Variants in ADAM2 observed in about 807,000 individuals in gnomAD.
The protein encoded by ADAM2 is ADAM metallopeptidase domain 2, also known as disintegrin and metalloproteinase domain-containing protein 2.
A neutral mutation model predicts 99.3 loss-of-function variants in ADAM2; 101 were observed. The observed-to-expected ratio is 1.02, with a 90% CI of 0.87 to 1.20. ADAM2 has a LOEUF of 1.20. Ranked by LOEUF, ADAM2 falls within the 50% of genes most tolerant of loss-of-function variation. The pLI is 0.00. For missense variants in ADAM2, 948 were observed against 878.7 expected (o/e 1.08, Z -1.00); for synonymous variants, 323 against 287.6 (o/e 1.12, Z -1.25).
rs138647745 is a variant in ADAM2 at position 39,761,282 on chromosome 8, C to T, written c.1508-1G>A. 1 of 1,572,330 alleles carries T rather than the reference C, an allele frequency of 6.4e-7. No homozygotes were observed. Among genetic ancestry groups the T allele is most frequent in the Non-Finnish European group, 8.7e-7 (1 of 1,156,038 alleles). ...CATTCTGAAGGGCCAAACTCTACTT[C>T]TGAAAATAAAAAGGTGAGGTTAGTC... On this transcript the variant is annotated splice_acceptor_variant, in intron 14 of 20. Coordinates refer to ENST00000265708, the MANE Select transcript of ADAM2 (RefSeq NM_001464.5). LOFTEE classifies it high-confidence loss of function.
intron 16 of ADAM2, among the ~76,000 whole-genome samples, chr8:39,753,101 G>A (rs894412190): frequency 3.3e-5 from 5 of 152,106 alleles, no homozygotes; most frequent in East Asian, 1.9e-4. Context: ...AGAAGAAGAC[G>A]GGAAAATGTG....
intron 3 of ADAM2, among the ~76,000 whole-genome samples, chr8:39,827,179 T>A (rs754149643): frequency 5.3e-5 from 8 of 152,048 alleles, no homozygotes; most frequent in Non-Finnish European, 1.2e-4. Flanking sequence ...AAAACCACCA[T>A]GGGATAACAC....
chr8:39,820,756 G>T (rs1805140839), intron 6 of ADAM2, among the ~76,000 whole-genome samples: 2 of 152,060 alleles, frequency 1.3e-5, no homozygotes, highest in Non-Finnish European at 2.9e-5. Context: ...GACAATAAAG[G>T]TCTAGATTAC....
At chr8:39,793,807 C>T (rs1453262039) in intron 7 of ADAM2, among the ~76,000 whole-genome samples, 2 of 151,998 alleles carry the variant, frequency 1.3e-5, no homozygotes, top group Non-Finnish European at 2.9e-5. Context: ...ATTTGAGGGA[C>T]ATTAACTAAA....
Position 39,821,672 on chromosome 8 carries a change from A to G in ADAM2, c.268-10T>C. Reference sequence around the variant, plus strand: ...GGTAGTGGCAGAAATTCTGAAAGATAAAATACACATATCTCCATTAGAATG... The same window carrying G: ...GGTAGTGGCAGAAATTCTGAAAGATGAAATACACATATCTCCATTAGAATG... On this transcript the variant is annotated splice_polypyrimidine_tract_variant and intron_variant, in intron 4 of 20. Transcript: ENST00000265708. 2 of 1,541,762 alleles carry G rather than the reference A, an allele frequency of 1.3e-6. No individual in the cohort carries two copies. The highest frequency in any genetic ancestry group is 9.0e-7 in the Non-Finnish European group (1 of 1,115,422).
intron 11 of ADAM2, among the ~76,000 whole-genome samples, chr8:39,770,338 C>T (rs1355040546): frequency 2.6e-5 from 4 of 152,114 alleles, no homozygotes; most frequent in East Asian, 3.8e-4. Flanking sequence ...CCAATAGCTC[C>T]GATATTTGTT....
chr8:39,750,892 C>G (rs1290988891), intron 16 of ADAM2, among the ~76,000 whole-genome samples: 1 of 152,120 alleles, frequency 6.6e-6, no homozygotes, highest in Non-Finnish European at 1.5e-5. Context: ...TACAAATACT[C>G]AAAGCGACTA....
At chr8:39,746,166 T>C (rs974109034) in intron 19 of ADAM2, among the ~76,000 whole-genome samples, 1 of 152,010 alleles carries the variant, frequency 6.6e-6, no homozygotes, top group Admixed American at 6.6e-5. Flanking sequence ...GCTGGGACTA[T>C]AGGTGCATGC....
rs113727876 is a variant in ADAM2, at chr8:39,784,599, C to T, written c.891+2375G>A. On this transcript the variant is annotated intron_variant, in intron 10 of 20. Transcript: ENST00000265708. Reference sequence around the variant, plus strand: ...TACTATGTTGCCCATGCTGGAAGCCCGCCCTGTAGAGAAAATCAGTTCTGC... The same window carrying T: ...TACTATGTTGCCCATGCTGGAAGCCTGCCCTGTAGAGAAAATCAGTTCTGC... 3.9e-4 allele frequency among the ~76,000 whole-genome samples: 60 copies of T among 152,210 alleles called. 1 individual carries two copies. Among genetic ancestry groups the T allele is most frequent in the Admixed American group, 3.5e-3 (53 of 15,284 alleles).
chr8:39,771,791 T>A (rs937195143), intron 11 of ADAM2, among the ~76,000 whole-genome samples: 5 of 152,072 alleles, frequency 3.3e-5, no homozygotes, highest in Admixed American at 6.6e-5. Flanking sequence ...ATGATTACTA[T>A]CTAAATACAA....
intron 10 of ADAM2, among the ~76,000 whole-genome samples, chr8:39,784,759 TA>T (rs1362852717): frequency 7.2e-5 from 11 of 152,308 alleles, no homozygotes; most frequent in African/African-American, 2.6e-4. Context: ...ACCATAAGTA[TA>T]AGTCACATTC....
At chr8:39,826,717 AAAAAAAAC>A (rs1303527308) in intron 3 of ADAM2, among the ~76,000 whole-genome samples, 2 of 151,836 alleles carry the variant, frequency 1.3e-5, no homozygotes, top group African/African-American at 4.8e-5. Flanking sequence ...AGCGAGAAAA[AAAAAAAAC>A]AAAAAAACCA....
At chr8:39,825,604 T>C (rs752787342) in intron 3 of ADAM2, among the ~76,000 whole-genome samples, 4 of 151,634 alleles carry the variant, frequency 2.6e-5, no homozygotes, top group Non-Finnish European at 4.4e-5. Context: ...AAAAGTCAGA[T>C]ATAAATATAT....
In ADAM2 at chr8:39,838,194, G is replaced by A. The variant is rs1394649470; in HGVS notation, c.-9C>T. The A allele has an allele frequency of 6.2e-7, 1 of 1,614,176 alleles. No homozygotes were observed. The highest frequency in any genetic ancestry group is 1.7e-5 in the Admixed American group (1 of 60,028). On this transcript the variant is annotated 5_prime_UTR_variant, in exon 1 of 21. Coordinates refer to ENST00000265708, the MANE Select transcript of ADAM2 (RefSeq NM_001464.5). ...AACAAGACGCGCCACATGGCTTGAA[G>A]TCCTGGGTCCCAGCCGGAATAATGG...
chr8:39,789,197 T>G (rs1216869624), intron 7 of ADAM2, among the ~76,000 whole-genome samples: 1 of 151,396 alleles, frequency 6.6e-6, no homozygotes, highest in Non-Finnish European at 1.5e-5. Context: ...ATTATAAACA[T>G]GTATGCAACC....
intron 2 of ADAM2, among the ~76,000 whole-genome samples, chr8:39,835,526 C>CA (rs897229020): frequency 3.3e-5 from 5 of 151,800 alleles, no homozygotes; most frequent in African/African-American, 9.7e-5. Context: ...ACTAAAAATA[C>CA]AAAAAAACTA....
chr8:39,786,112 C>A lies in ADAM2; in HGVS notation c.891+862G>T, dbSNP rs568505605. Among the ~76,000 whole-genome samples, 4 of 152,198 alleles carry A rather than the reference C, an allele frequency of 2.6e-5. No individual in the cohort carries two copies. The East Asian group carries it at 7.7e-4, about 29-fold the overall frequency. The stretch of plus-strand genomic sequence containing the variant: ...ATAAGTGGGAGCTAAACATTGGGTC[C>A]ACTTAGACATTAAGATGGTAACACT... On this transcript the variant is annotated intron_variant, in intron 10 of 20. Coordinates refer to ENST00000265708, the MANE Select transcript of ADAM2 (RefSeq NM_001464.5).
rs374195267 is a variant in ADAM2 at position 39,828,465 on chromosome 8, A to G, written c.189-3568T>C. Among the ~76,000 whole-genome samples the G allele has an allele frequency of 2.0e-5, 3 of 151,902 alleles. No individual in the cohort carries two copies. The East Asian group carries it at 5.8e-4, about 29-fold the overall frequency. Reference sequence around the variant, plus strand: ...AAATAATTTAATTGAGGAATAATGTATAATATAAATTAGTAGATTCAATCG... The same window carrying G: ...AAATAATTTAATTGAGGAATAATGTGTAATATAAATTAGTAGATTCAATCG... On this transcript the variant is annotated intron_variant, in intron 3 of 20. Coordinates refer to ENST00000265708, the MANE Select transcript of ADAM2 (RefSeq NM_001464.5).
At chr8:39,746,004 CAT>C (rs948299702) in intron 19 of ADAM2, among the ~76,000 whole-genome samples, 16 of 115,642 alleles carry the variant, frequency 1.4e-4, no homozygotes, top group African/African-American at 5.0e-4. Context: ...TGTGTGTGTG[CAT>C]GTGTGTGTGT....
Sources: allele counts gnomAD v4.1 joint callset (sites outside exome capture counted in the v4.1 genomes callset), GRCh38; gene constraint gnomAD v4.1.1; transcripts MANE v1.5; gene names NCBI Gene and HGNC (gene_info 2026-07-23, HGNC 2026-07-21).